OPCML: variants seen among roughly 807,000 people sequenced by gnomAD.
OPCML encodes the protein opioid binding protein/cell adhesion molecule like, also known as opioid-binding protein/cell adhesion molecule.
A neutral mutation model predicts 37.8 loss-of-function variants in OPCML; 13 were observed. The ratio of observed to expected loss-of-function variants is 0.34; its 90% confidence interval spans 0.22 to 0.55. The LOEUF is 0.55. Ranked by LOEUF, OPCML falls within the 20% of genes least tolerant of loss-of-function variation. The pLI, the probability that OPCML is intolerant of heterozygous loss-of-function variation, is 0.91. For synonymous variants in OPCML, 176 were observed against 168.8 expected, an observed-to-expected ratio of 1.04 and a Z score of -0.33; for missense variants, 341 against 435.6, an observed-to-expected ratio of 0.78 and a Z score of 1.93.
chr11:133,025,249 C>T, intron 1 of OPCML: 1 of 789,900 alleles, frequency 1.3e-6, no homozygotes, highest in Non-Finnish European at 1.5e-6. Flanking sequence ...TGCAAATATA[C>T]ACCATCTCTT....
chr11:132,450,381 G>C (rs1335927492), intron 4 of OPCML, among the ~76,000 whole-genome samples: 1 of 152,180 alleles, frequency 6.6e-6, no homozygotes, highest in African/African-American at 2.4e-5. Context: ...CAGGATCGTG[G>C]ATAGAAACAG....
intron 2 of OPCML, among the ~76,000 whole-genome samples, chr11:132,693,447 C>T (rs965621283): frequency 6.6e-6 from 1 of 152,182 alleles, no homozygotes; most frequent in African/African-American, 2.4e-5. Context: ...GTACAAACAA[C>T]CCCTTGATTT....
chr11:132,640,570 T>C (rs1184636929), intron 3 of OPCML, among the ~76,000 whole-genome samples: 1 of 152,224 alleles, frequency 6.6e-6, no homozygotes, highest in African/African-American at 2.4e-5. Flanking sequence ...ACGCATTCAA[T>C]AAGCATTTTT....
At chr11:132,636,776 G>C (rs1940526405) in intron 3 of OPCML, among the ~76,000 whole-genome samples, 1 of 152,256 alleles carries the variant, frequency 6.6e-6, no homozygotes, top group East Asian at 1.9e-4. Context: ...TGCTAAAGAA[G>C]ACACTGGGAG....
At chr11:133,401,705 T>A (rs532858581) in intron 1 of OPCML, among the ~76,000 whole-genome samples, 1 of 152,278 alleles carries the variant, frequency 6.6e-6, no homozygotes, top group African/African-American at 2.4e-5. Flanking sequence ...GACTCAAGAA[T>A]AGCTGAGAAG....
At chr11:133,387,656 C>T (rs752357499) in intron 1 of OPCML, among the ~76,000 whole-genome samples, 9 of 152,186 alleles carry the variant, frequency 5.9e-5, no homozygotes, top group Non-Finnish European at 1.3e-4. Context: ...ATTCAGTGAT[C>T]GCTGTATTCC....
intron 1 of OPCML, among the ~76,000 whole-genome samples, chr11:133,352,466 C>T (rs949254728): frequency 1.3e-5 from 2 of 152,206 alleles, no homozygotes; most frequent in East Asian, 1.9e-4. Context: ...GTACCTCAAA[C>T]GCACCATCAG....
intron 3 of OPCML, among the ~76,000 whole-genome samples, chr11:132,632,178 T>C (rs1168947270): frequency 1.4e-5 from 2 of 147,774 alleles, no homozygotes; most frequent in Non-Finnish European, 3.0e-5. Flanking sequence ...TTGTGCCACA[T>C]GGAGATTTGG....
intron 1 of OPCML, among the ~76,000 whole-genome samples, chr11:133,083,144 GCACACACACA>G (rs139577478): frequency 2.7e-5 from 4 of 149,358 alleles, no homozygotes; most frequent in African/African-American, 1.0e-4. Flanking sequence ...GCACACACAC[GCACACACACA>G]CACGCACACA....
At chr11:132,615,564 T>C (rs912939230) in intron 3 of OPCML, among the ~76,000 whole-genome samples, 1 of 152,090 alleles carries the variant, frequency 6.6e-6, no homozygotes, top group African/African-American at 2.4e-5. Flanking sequence ...ATAACAACTA[T>C]CTATGTAGCA....
rs115967957 is a variant in OPCML at position 133,181,044 on chromosome 11, C to T, written c.62-238034G>A. ...ATAAATTATGTGGTTTAAAAAAATCCAATTCTGCAAACTTAGATACTGCAA... is the reference window on the plus strand; with the variant it reads ...ATAAATTATGTGGTTTAAAAAAATCTAATTCTGCAAACTTAGATACTGCAA... On this transcript the variant is annotated intron_variant, in intron 1 of 7. Transcript: ENST00000524381. 8.6e-3 allele frequency among the ~76,000 whole-genome samples: 1,304 copies of T among 152,166 alleles called. 22 individuals are homozygous for T. The highest frequency in any genetic ancestry group is 0.029 in the African/African-American group (1,223 of 41,496).
intron 2 of OPCML, among the ~76,000 whole-genome samples, chr11:132,762,444 G>T (rs1053923432): frequency 3.3e-5 from 5 of 152,200 alleles, no homozygotes; most frequent in African/African-American, 9.6e-5. Flanking sequence ...CTGTCCCAGG[G>T]AGATGGGAGT....
intron 1 of OPCML, among the ~76,000 whole-genome samples, chr11:133,528,437 C>T (rs1046135827): frequency 6.6e-6 from 1 of 152,224 alleles, no homozygotes; most frequent in African/African-American, 2.4e-5. Flanking sequence ...TGGATTCCCC[C>T]ACTAGACCCC....
intron 2 of OPCML, among the ~76,000 whole-genome samples, chr11:132,812,144 C>A (rs1939384150): frequency 6.6e-6 from 1 of 152,082 alleles, no homozygotes; most frequent in Non-Finnish European, 1.5e-5. Context: ...ACATTAAGGA[C>A]TAAATGGGAC....
At chr11:132,924,453 T>C (rs1944922258) in intron 2 of OPCML, among the ~76,000 whole-genome samples, 1 of 152,224 alleles carries the variant, frequency 6.6e-6, no homozygotes. Context: ...GAAGAACTTT[T>C]AACATTTCTT....
chr11:133,242,898 A>G (rs547390982), intron 1 of OPCML, among the ~76,000 whole-genome samples: 1 of 152,362 alleles, frequency 6.6e-6, no homozygotes, highest in East Asian at 1.9e-4. Context: ...TGGCAGATCA[A>G]AAGAAATAAA....
intron 1 of OPCML, among the ~76,000 whole-genome samples, chr11:132,982,692 G>A (rs563778457): frequency 6.6e-6 from 1 of 152,270 alleles, no homozygotes; most frequent in East Asian, 1.9e-4. Flanking sequence ...CTCTAAAACC[G>A]TGTTCAGCTG....
chr11:133,431,910 TA>T (rs1319236865), intron 1 of OPCML, among the ~76,000 whole-genome samples: 1 of 151,678 alleles, frequency 6.6e-6, no homozygotes, highest in Non-Finnish European at 1.5e-5. Context: ...CATATACAGG[TA>T]AAAAATTGGA....
chr11:132,580,790 G>A (rs999552308), intron 3 of OPCML, among the ~76,000 whole-genome samples: 1 of 152,072 alleles, frequency 6.6e-6, no homozygotes, highest in Admixed American at 6.6e-5. Context: ...GTTAAACATG[G>A]TCCTTGTATA....
Sources: allele counts gnomAD v4.1 joint callset (sites outside exome capture counted in the v4.1 genomes callset), GRCh38; gene constraint gnomAD v4.1.1; transcripts MANE v1.5; gene names NCBI Gene and HGNC (gene_info 2026-07-23, HGNC 2026-07-21).